COG4: variants seen among roughly 807,000 people sequenced by gnomAD.
COG4 encodes conserved oligomeric Golgi complex subunit 4.
COG4 carries 65 observed loss-of-function variants against 95.1 expected under a neutral mutation model. The observed-to-expected ratio is 0.68, with a 90% CI of 0.56 to 0.84. The LOEUF is 0.84. Ranked by LOEUF, COG4 falls within the 40% of genes least tolerant of loss-of-function variation. COG4 has a pLI of 0.00. For synonymous variants in COG4, 421 were observed against 374.8 expected (o/e 1.12, Z -1.42); for missense variants, 1,045 against 989.1 (o/e 1.06, Z -0.76).
chr16:70,481,268 T>TTTAGAGGGAA, intron 18 of COG4, 91 bp downstream of exon 18: 1 of 1,608,046 alleles, frequency 6.2e-7, no homozygotes, highest in Non-Finnish European at 8.5e-7. Context: ...AGCTGGCTGC[T>TTTAGAGGGAA]GGCAGACATG....
intron 8 of COG4, among the ~76,000 whole-genome samples, chr16:70,504,623 A>AAAAAAAAAAAAAAAAAAAAAAC: frequency 8.1e-6 from 1 of 122,784 alleles, no homozygotes; most frequent in Non-Finnish European, 1.8e-5. Flanking sequence ...AAAAAAAAAA[A>AAAAAAAAAAAAAAAAAAAAAAC]AAAAAGAGGC....
chr16:70,498,986 G>T (rs1307837351), intron 9 of COG4, among the ~76,000 whole-genome samples: 2 of 152,162 alleles, frequency 1.3e-5, no homozygotes, highest in East Asian at 3.9e-4. Context: ...AGGCCAAGGC[G>T]CGAGGATCGC....
At position 70,495,265 on chromosome 16, in the gene COG4, C is replaced by T. The variant is rs573851081; in HGVS notation, c.1647+1001G>A. On this transcript the variant is annotated intron_variant, in intron 12 of 18. Transcript: ENST00000323786. ...AAAAAAAATTAGCCAGGTATGGTGG[C>T]GCATGCCTGTAATCCCAGCTACTCG... Among the ~76,000 whole-genome samples, 10 of 151,228 alleles carry T rather than the reference C, an allele frequency of 6.6e-5. No homozygotes were observed. In the East Asian group the frequency reaches 9.7e-4, roughly 15 times the overall value.
intron 1 of COG4, chr16:70,523,090 A>G (rs952759096): frequency 2.0e-6 from 1 of 494,006 alleles, no homozygotes; most frequent in African/African-American, 1.9e-5. Flanking sequence ...GACTAACTTT[A>G]CTCCCGTGGA....
intron 11 of COG4, 77 bp downstream of exon 11, chr16:70,497,144 G>C (rs2049355738): frequency 1.8e-5 from 24 of 1,366,214 alleles, no homozygotes; most frequent in East Asian, 2.3e-5. Context: ...TGAGGACAAA[G>C]GGCAGAAACA....
At chr16:70,490,507 G>T in intron 12 of COG4, 115 bp from the exon 13 acceptor site, 1 of 836,704 alleles carries the variant, frequency 1.2e-6, no homozygotes, top group Non-Finnish European at 2.1e-6. Context: ...GCTGGCTGGA[G>T]TTCAGACTTG....
chr16:70,493,278 C>T (rs758536716), intron 12 of COG4, among the ~76,000 whole-genome samples: 35 of 152,038 alleles, frequency 2.3e-4, no homozygotes, highest in Non-Finnish European at 3.8e-4. Flanking sequence ...TTCACCACTG[C>T]GTCTCTATAC....
At chr16:70,497,854 A>C in intron 10 of COG4, 83 bp downstream of exon 10, 2 of 846,198 alleles carry the variant, frequency 2.4e-6, no homozygotes, top group Non-Finnish European at 4.2e-6. Flanking sequence ...GGACCAATAA[A>C]TATGACATGC....
rs148569863 is a variant in COG4 at position 70,497,300 on chromosome 16, G to A, written c.1402C>T (p.Arg468Trp). Residue 468 changes from arginine (R) to tryptophan (W), a missense_variant, in exon 11 of 19, where the codon CGG (arginine) becomes TGG (tryptophan). By Grantham distance (101) the Arg-to-Trp change is moderately radical. Transcript: ENST00000323786. ...TCAATGCTGGAGCTGGACAGAGCCCGCCCAATGCACTTCTTAACAATGTAG... is the reference window on the plus strand; with the variant it reads ...TCAATGCTGGAGCTGGACAGAGCCCACCCAATGCACTTCTTAACAATGTAG... ...VFYIVKKCIG[R>W]ALSSSSIDCL... is the part of the protein sequence containing the mutation. 10 of 1,613,914 alleles carry A rather than the reference G, an allele frequency of 6.2e-6. No individual in the cohort carries two copies. The African/African-American group carries it at 9.3e-5, about 15-fold the overall frequency.
intron 13 of COG4, among the ~76,000 whole-genome samples, chr16:70,489,941 C>T (rs2049211069): frequency 6.6e-6 from 1 of 152,280 alleles, no homozygotes; most frequent in African/African-American, 2.4e-5. Flanking sequence ...CCTCAGTTTC[C>T]CAAGCAGCTG....
chr16:70,494,136 C>A (rs1403268683), intron 12 of COG4, among the ~76,000 whole-genome samples: 2 of 152,160 alleles, frequency 1.3e-5, no homozygotes, highest in Non-Finnish European at 2.9e-5. Context: ...TAATATGCCA[C>A]AACATGAGGC....
At chr16:70,521,248 G>A (rs867941452) in intron 1 of COG4, among the ~76,000 whole-genome samples, 1 of 150,060 alleles carries the variant, frequency 6.7e-6, no homozygotes, top group Non-Finnish European at 1.5e-5. Flanking sequence ...GACGAGTTTC[G>A]CTCTTTCACC....
At chr16:70,486,256 C>T (rs1168354559) in intron 13 of COG4, among the ~76,000 whole-genome samples, 15 of 152,194 alleles carry the variant, frequency 9.9e-5, no homozygotes. Flanking sequence ...CCAGGGGGAA[C>T]TGCCTGAAAC....
At chr16:70,514,587 A>T in intron 3 of COG4, 78 bp from the exon 4 acceptor site, 5 of 1,241,882 alleles carry the variant, frequency 4.0e-6, no homozygotes, top group Non-Finnish European at 5.8e-6. Context: ...GAGATTCAGG[A>T]GCTGAATCTG....
At position 70,480,967 on chromosome 16, in the gene COG4, C is replaced by T. The variant is rs1213733048; in HGVS notation, c.*43G>A. On this transcript the variant is annotated 3_prime_UTR_variant, in exon 19 of 19. Coordinates refer to ENST00000323786, the MANE Select transcript of COG4 (RefSeq NM_015386.3). ...TCCTTGGCTGGGGCCCCTTAGGGAA[C>T]AGGCCTGCAAGTGTGATGAGCCAGG... is the stretch of plus-strand genomic sequence containing the variant. The T allele has an allele frequency of 9.9e-6, 16 of 1,609,018 alleles. No homozygotes were observed. The highest frequency in any genetic ancestry group is 9.9e-5 in the South Asian group (9 of 90,838).
rs752999094 is a variant in COG4, at chr16:70,514,482, C to T, written c.397G>A (p.Ala133Thr). 37 of 1,614,028 alleles carry T rather than the reference C, an allele frequency of 2.3e-5. No individual in the cohort carries two copies. The highest frequency in any genetic ancestry group is 1.6e-4 in the Middle Eastern group (1 of 6,072). The change falls in exon 4 of 19, where the codon GCT becomes ACT. Residue 133 changes from alanine (A) to threonine (T), a missense_variant. Physicochemically the swap from Ala to Thr is moderately conservative, Grantham distance 58. Transcript: ENST00000323786. ...AACTTCAGGTCCAAGATGTCATCAG[C>T]TCTCTGAATGGCCTGATAGAGGCGG... ...KNRLYQAIQR[A>T]DDILDLKFCM...
intron 3 of COG4, 125 bp from the exon 4 acceptor site, chr16:70,514,634 C>G: frequency 1.3e-6 from 1 of 761,910 alleles, no homozygotes; most frequent in South Asian, 1.5e-5. Flanking sequence ...ACAAACACCA[C>G]CACTACTGTT....
At chr16:70,503,350 T>C (rs1434141911) in intron 8 of COG4, among the ~76,000 whole-genome samples, 1 of 152,050 alleles carries the variant, frequency 6.6e-6, no homozygotes, top group Non-Finnish European at 1.5e-5. Context: ...CCTTGGCACC[T>C]GACCCCAAGA....
chr16:70,483,440 C>T (rs980142687), intron 14 of COG4, among the ~76,000 whole-genome samples: 2 of 151,454 alleles, frequency 1.3e-5, no homozygotes, highest in Admixed American at 6.6e-5. Flanking sequence ...GAACATGCCC[C>T]TTTCCAGATC....
Sources: allele counts gnomAD v4.1 joint callset (sites outside exome capture counted in the v4.1 genomes callset), GRCh38; gene constraint gnomAD v4.1.1; transcripts MANE v1.5; gene names NCBI Gene and HGNC (gene_info 2026-07-23, HGNC 2026-07-21).